CCSER1: variants seen among roughly 807,000 people sequenced by gnomAD.
The protein encoded by CCSER1 is serine-rich coiled-coil domain-containing protein 1.
Under a neutral mutation model 82.0 loss-of-function variants are expected in CCSER1, and 41 were observed. That is an observed-to-expected ratio of 0.50 (90% CI 0.39 to 0.65). CCSER1 has a LOEUF of 0.65. Ranked by LOEUF, CCSER1 falls within the 30% of genes least tolerant of loss-of-function variation. The pLI, the probability that CCSER1 is intolerant of heterozygous loss-of-function variation, is 0.00. For missense variants in CCSER1, 1,119 were observed against 1,064.2 expected, an observed-to-expected ratio of 1.05 and a Z score of -0.72; for synonymous variants, 414 against 383.9, an observed-to-expected ratio of 1.08 and a Z score of -0.92.
chr4:90,143,491 T>TACACACACACACACACACACACACACAC (rs56859054), intron 1 of CCSER1, among the ~76,000 whole-genome samples: 1 of 141,320 alleles, frequency 7.1e-6, no homozygotes, highest in Non-Finnish European at 1.5e-5. Context: ...AGTACACACA[T>TACACACACACACACACACACACACACAC]ACACACACAC....
chr4:90,212,709 T>C (rs1215500173), intron 1 of CCSER1, among the ~76,000 whole-genome samples: 1 of 152,196 alleles, frequency 6.6e-6, no homozygotes, highest in Non-Finnish European at 1.5e-5. Context: ...CTGATAATGC[T>C]AAGGAGAAAA....
chr4:90,660,846 C>T (rs747586129), intron 6 of CCSER1, among the ~76,000 whole-genome samples: 10 of 152,210 alleles, frequency 6.6e-5, no homozygotes, highest in East Asian at 1.9e-4. Flanking sequence ...TGATGGATTT[C>T]GCAATCTTAG....
chr4:90,834,021 A>T (rs1158961617), intron 8 of CCSER1, among the ~76,000 whole-genome samples: 2 of 152,200 alleles, frequency 1.3e-5, no homozygotes, highest in African/African-American at 4.8e-5. Flanking sequence ...TTCAGTCTCC[A>T]AGACCGTGAG....
intron 4 of CCSER1, among the ~76,000 whole-genome samples, chr4:90,457,110 G>A (rs908666566): frequency 6.6e-6 from 1 of 152,210 alleles, no homozygotes; most frequent in Non-Finnish European, 1.5e-5. Context: ...CTGGCGGGCT[G>A]CTCCAGGTGC....
intron 1 of CCSER1, among the ~76,000 whole-genome samples, chr4:90,147,678 TATGA>T (rs1329268760): frequency 6.6e-6 from 1 of 152,192 alleles, no homozygotes; most frequent in East Asian, 1.9e-4. Context: ...TTGAAAATGA[TATGA>T]ATACATCCGT....
chr4:90,657,378 A>G (rs1255319498), intron 6 of CCSER1, among the ~76,000 whole-genome samples: 2 of 151,996 alleles, frequency 1.3e-5, no homozygotes, highest in Non-Finnish European at 2.9e-5. Flanking sequence ...CTACCTTTAC[A>G]TAGAATTTTA....
At chr4:90,611,189 G>A (rs9884328) in intron 5 of CCSER1, among the ~76,000 whole-genome samples, 42,582 of 149,966 alleles carry the variant, frequency 0.28, 6,266 homozygotes, top group East Asian at 0.36. Context: ...GTGAGCCACC[G>A]CGCCCAGCCC....
intron 5 of CCSER1, among the ~76,000 whole-genome samples, chr4:90,481,893 G>A (rs1766046865): frequency 6.6e-6 from 1 of 152,170 alleles, no homozygotes; most frequent in Admixed American, 6.5e-5. Context: ...CATAAAACGA[G>A]TTAGGGAGGA....
chr4:90,711,259 T>TCATGTTATCTGTAAGC (rs1740558492), intron 6 of CCSER1, among the ~76,000 whole-genome samples: 12 of 151,960 alleles, frequency 7.9e-5, no homozygotes, highest in Admixed American at 7.9e-4. Context: ...CTAGATATAG[T>TCATGTTATCTGTAAGC]GTCATGTTAT....
chr4:91,515,785 T>C (rs907445106), intron 10 of CCSER1, among the ~76,000 whole-genome samples: 4 of 152,146 alleles, frequency 2.6e-5, no homozygotes, highest in Admixed American at 1.3e-4. Flanking sequence ...CACATTGCCT[T>C]CCATGCTGGT....
At chr4:91,356,126 T>TG (rs960942809) in intron 10 of CCSER1, among the ~76,000 whole-genome samples, 2 of 152,236 alleles carry the variant, frequency 1.3e-5, no homozygotes, top group Non-Finnish European at 2.9e-5. Context: ...CCCTTGGACA[T>TG]GGGGGCCAGT....
At chr4:91,094,300 C>T (rs866834915) in intron 10 of CCSER1, among the ~76,000 whole-genome samples, 5 of 152,158 alleles carry the variant, frequency 3.3e-5, no homozygotes, top group Non-Finnish European at 2.9e-5. Flanking sequence ...CACCTGACCC[C>T]GGATCTTCCC....
chr4:90,950,836 C>G (rs1378370921), intron 9 of CCSER1, among the ~76,000 whole-genome samples: 2 of 152,026 alleles, frequency 1.3e-5, no homozygotes, highest in Non-Finnish European at 2.9e-5. Flanking sequence ...ACATGCTATT[C>G]CCGTGCTCTC....
chr4:90,486,039 T>C (rs1766994821), intron 5 of CCSER1, among the ~76,000 whole-genome samples: 1 of 152,180 alleles, frequency 6.6e-6, no homozygotes, highest in Non-Finnish European at 1.5e-5. Flanking sequence ...CAGAAACAAA[T>C]ATGGAACCTA....
intron 9 of CCSER1, among the ~76,000 whole-genome samples, chr4:90,963,292 A>T (rs1035302829): frequency 1.3e-5 from 2 of 152,160 alleles, no homozygotes; most frequent in African/African-American, 4.8e-5. Context: ...GAATCCCAAA[A>T]CTAGGTTCCT....
chr4:91,234,795 C>A (rs1027951275), intron 10 of CCSER1, among the ~76,000 whole-genome samples: 3 of 152,120 alleles, frequency 2.0e-5, no homozygotes, highest in East Asian at 3.8e-4. Flanking sequence ...TATAAATCTA[C>A]ATGTTCCCAT....
intron 7 of CCSER1, among the ~76,000 whole-genome samples, chr4:90,782,668 C>CT (rs1753929565): frequency 8.6e-6 from 1 of 116,902 alleles, no homozygotes; most frequent in Non-Finnish European, 1.8e-5. Flanking sequence ...ACAGGGATTT[C>CT]TTTCTTTTCT....
At chr4:91,062,577 A>G (rs1284191412) in intron 9 of CCSER1, among the ~76,000 whole-genome samples, 3 of 152,092 alleles carry the variant, frequency 2.0e-5, no homozygotes. Flanking sequence ...TCGTAGGTAC[A>G]CCACATTAAA....
intron 8 of CCSER1, among the ~76,000 whole-genome samples, chr4:90,835,891 G>A (rs562354241): frequency 3.7e-4 from 57 of 152,290 alleles, no homozygotes; most frequent in African/African-American, 1.3e-3. Flanking sequence ...AAGGTCTGGG[G>A]CATAATACTG....
Sources: gnomAD v4.1 joint callset for allele counts (sites outside exome capture counted in the v4.1 genomes callset) on GRCh38, gnomAD v4.1.1 for gene constraint, MANE v1.5 for transcripts, NCBI Gene and HGNC (gene_info 2026-07-23, HGNC 2026-07-21) for gene names.